Variants in TMEM59 observed in about 807,000 individuals in gnomAD.
TMEM59 encodes the protein dendritic cell factor 1.
TMEM59 carries 44 observed loss-of-function variants against 42.2 expected under a neutral mutation model. The observed-to-expected ratio is 1.04, with a 90% CI of 0.82 to 1.34. TMEM59 has a LOEUF of 1.34. TMEM59 is among the 40% of genes most tolerant of loss of function. The pLI is 0.00. For missense variants in TMEM59, 359 were observed against 382.8 expected, an observed-to-expected ratio of 0.94 and a Z score of 0.52; for synonymous variants, 148 against 145.8, an observed-to-expected ratio of 1.02 and a Z score of -0.11.
At chr1:54,045,529 C>A in intron 3 of TMEM59, 163 bp downstream of exon 3, 2 of 599,348 alleles carry the variant, frequency 3.3e-6, no homozygotes, top group South Asian at 2.4e-5. Context: ...TATACAAAAG[C>A]AATTATTCAA....
At chr1:54,036,949 T>C (rs1350144575) in intron 6 of TMEM59, 3 of 289,576 alleles carry the variant, frequency 1.0e-5, no homozygotes, top group East Asian at 1.2e-4. Context: ...AACATGGCTA[T>C]ATCACTTTTG....
Position 54,042,905 on chromosome 1 carries a change from C to T in TMEM59, c.543+468G>A, listed in dbSNP as rs143598569. 1.4e-3 allele frequency among the ~76,000 whole-genome samples: 212 copies of T among 152,172 alleles called. 2 individuals carry two copies. The highest frequency in any genetic ancestry group is 4.7e-3 in the African/African-American group (197 of 41,528). ...ATAACAGTTATTATCATGTGGTAAA[C>T]GATGAGATAGGAGACATTACTTCTC... On this transcript the variant is annotated intron_variant, in intron 4 of 7. Coordinates refer to ENST00000234831, the MANE Select transcript of TMEM59 (RefSeq NM_004872.5).
intron 7 of TMEM59, chr1:54,034,941 G>A (rs549183657): frequency 1.3e-5 from 2 of 152,258 alleles, no homozygotes; most frequent in East Asian, 3.9e-4. Context: ...AGATCTTGAA[G>A]CAGCAACCAG....
At chr1:54,045,416 C>T (rs1657295732) in intron 3 of TMEM59, 1 of 366,320 alleles carries the variant, frequency 2.7e-6, no homozygotes, top group Non-Finnish European at 4.9e-6. Flanking sequence ...TCCTCTGAGC[C>T]TTGGTTTTTT....
At chr1:54,047,021 G>C (rs1336112574) in intron 2 of TMEM59, among the ~76,000 whole-genome samples, 1 of 152,204 alleles carries the variant, frequency 6.6e-6, no homozygotes, top group Non-Finnish European at 1.5e-5. Flanking sequence ...CTGACAGAAT[G>C]CTTGGTTAAA....
rs768635256 is a variant in TMEM59 at position 54,041,821 on chromosome 1, A to G, written c.544-16T>C. Reference sequence around the variant, plus strand: ...CTGGCTTAGACTAAAATAATAATGAAAGCAATTAAGTCATTTGTACTTCTT... The same window carrying G: ...CTGGCTTAGACTAAAATAATAATGAGAGCAATTAAGTCATTTGTACTTCTT... On this transcript the variant is annotated splice_polypyrimidine_tract_variant and intron_variant, in intron 4 of 7. Transcript: ENST00000234831. The G allele has an allele frequency of 4.4e-6, 7 of 1,600,572 alleles. No individual in the cohort carries two copies. Among genetic ancestry groups the G allele is most frequent in the Non-Finnish European group, 5.1e-6 (6 of 1,169,826 alleles).
chr1:54,047,416 T>G, intron 1 of TMEM59, 44 bp from the exon 2 acceptor site: 1 of 1,529,416 alleles, frequency 6.5e-7, no homozygotes, highest in Non-Finnish European at 9.0e-7. Context: ...AAATAGTATT[T>G]TTTTTTCCTC....
In TMEM59 at chr1:54,027,343, A is replaced by C. The variant is rs1460069163; in HGVS notation, c.*4807T>G. The C allele has an allele frequency of 6.6e-6, 1 of 152,184 alleles. No homozygotes were observed. The highest frequency in any genetic ancestry group is 2.4e-5 in the African/African-American group (1 of 41,452). The allele number at this position is 152,184 out of a possible 1,614,324, so 9.4% of individuals were successfully genotyped here. On this transcript the variant is annotated 3_prime_UTR_variant, in exon 8 of 8. Coordinates refer to ENST00000234831, the MANE Select transcript of TMEM59 (RefSeq NM_004872.5). ...TGATCAGTTTCCTTTGCGATCCTTT[A>C]TATTTAGTTTTATGCTTTGAAAACA... is the stretch of plus-strand genomic sequence containing the variant.
intron 6 of TMEM59, among the ~76,000 whole-genome samples, chr1:54,037,992 C>A (rs747689014): frequency 2.0e-5 from 3 of 152,108 alleles, no homozygotes; most frequent in Non-Finnish European, 2.9e-5. Context: ...ATGACTAGAT[C>A]CTACAGATTT....
In TMEM59 at chr1:54,032,213, A is replaced by C; in HGVS notation, c.909T>G (p.Thr303=). Residue 303 remains threonine (T), a synonymous_variant, in exon 8 of 8, where the codon ACT becomes ACG. Coordinates refer to ENST00000234831, the MANE Select transcript of TMEM59 (RefSeq NM_004872.5). ...GAGGCCCTGCTTCTTCATGATCTTC[A>C]GTTTTAGATCTAACAACCACAAGAG... is the stretch of plus-strand genomic sequence containing the variant. ...ASSLVVVRSK[T]EDHEEAGPLP... 1 of 1,613,354 alleles carries C rather than the reference A, an allele frequency of 6.2e-7. No homozygotes were observed. Among genetic ancestry groups the C allele is most frequent in the Non-Finnish European group, 8.5e-7 (1 of 1,179,636 alleles).
intron 7 of TMEM59, among the ~76,000 whole-genome samples, chr1:54,036,153 G>A (rs12041928): frequency 6.6e-6 from 1 of 151,772 alleles, no homozygotes; most frequent in South Asian, 2.1e-4. Context: ...ACATGGTGGC[G>A]CATGCTTGTA....
rs772142147 is a variant in TMEM59 at position 54,043,496 on chromosome 1, T to A, written c.420A>T (p.Leu140=). 4 of 1,523,630 alleles carry A rather than the reference T, an allele frequency of 2.6e-6. No homozygotes were observed. The highest frequency in any genetic ancestry group is 3.5e-6 in the Non-Finnish European group (4 of 1,135,392). The allele number at this position is 1,523,630 out of a possible 1,614,324, so 94.4% of individuals were successfully genotyped here. A position where few individuals can be genotyped will look rare whatever the true frequency, so the allele number is the denominator to read the frequency against. Reference sequence around the variant, plus strand: ...ACCTCACCAGAGTTAGAGGAAAGAGTAGGTGCATTTTTGGCATCAGGGACA... The same window carrying A: ...ACCTCACCAGAGTTAGAGGAAAGAGAAGGTGCATTTTTGGCATCAGGGACA... ...QLMSLMPKMH[L]LFPLTLVRSF... The change falls in exon 4 of 8, where the codon CTA becomes CTT. Residue 140 remains leucine (L), a synonymous_variant. Coordinates refer to ENST00000234831, the MANE Select transcript of TMEM59 (RefSeq NM_004872.5).
rs139771945 is a variant in TMEM59 at position 54,043,643 on chromosome 1, T to A, written c.391-118A>T. The stretch of plus-strand genomic sequence containing the variant: ...GACAGGATACAAACAATTAAATACA[T>A]CTACCATAATCAATAGCATTAGAGT... On this transcript the variant is annotated intron_variant, in intron 3 of 7. Transcript: ENST00000234831. 8.7e-3 allele frequency: 5,017 copies of A among 577,138 alleles called. 39 individuals carry two copies. Among genetic ancestry groups the A allele is most frequent in the South Asian group, 0.038 (553 of 14,708 alleles). 35.8% of individuals were successfully genotyped at this position (577,138 alleles called of 1,614,324 possible). A position where few individuals can be genotyped will look rare whatever the true frequency, so the allele number is the denominator to read the frequency against.
At chr1:54,036,471 C>T in intron 7 of TMEM59, 139 bp downstream of exon 7, 1 of 548,116 alleles carries the variant, frequency 1.8e-6, no homozygotes, top group Non-Finnish European at 3.1e-6. Context: ...TTATGTGTGC[C>T]AACCTCTACC....
rs112866300 is a variant in TMEM59, at chr1:54,036,595, A to T, written c.816+15T>A. 4 of 1,574,928 alleles carry T rather than the reference A, an allele frequency of 2.5e-6. No individual in the cohort carries two copies. Among genetic ancestry groups the T allele is most frequent in the Non-Finnish European group, 3.5e-6 (4 of 1,158,814 alleles). On this transcript the variant is annotated intron_variant, in intron 7 of 7. Transcript: ENST00000234831. ...TCACAGGGCTCAGTCTTCAAATGGTAAGAATTAAATTTACCTCAGAGGGAA... is the reference window on the plus strand; with the variant it reads ...TCACAGGGCTCAGTCTTCAAATGGTTAGAATTAAATTTACCTCAGAGGGAA...
chr1:54,051,420 T>C (rs531984147), intron 1 of TMEM59, among the ~76,000 whole-genome samples: 1 of 152,220 alleles, frequency 6.6e-6, no homozygotes, highest in Non-Finnish European at 1.5e-5. Context: ...GCCAGATGAT[T>C]TGGAGTTCTT....
intron 3 of TMEM59, 171 bp from the exon 4 acceptor site, chr1:54,043,696 G>A (rs1405221829): frequency 3.0e-6 from 1 of 329,850 alleles, no homozygotes; most frequent in East Asian, 7.0e-5. Flanking sequence ...TGCACATTAT[G>A]GTAAAGCTTA....
Position 54,036,657 on chromosome 1 carries a change from A to C in TMEM59, c.769T>G (p.Cys257Gly). ...VLSVMVLLWICCATVATAVEQ... is the reference protein window; with the variant it reads ...VLSVMVLLWIGCATVATAVEQ... ...ACAGCTGTAGCAACAGTTGCACAAC[A>C]AATCCAAAGCAATACCATCACCGAG... Residue 257 changes from cysteine to glycine, a missense_variant, in exon 7 of 8, where the codon TGT becomes GGT. Physicochemically the swap from Cys to Gly is radical, Grantham distance 159 (BLOSUM62 -3). Coordinates refer to ENST00000234831, the MANE Select transcript of TMEM59 (RefSeq NM_004872.5). The C allele has an allele frequency of 2.5e-6, 4 of 1,612,530 alleles. No homozygotes were observed. In the Middle Eastern group the frequency reaches 6.6e-4, roughly 266 times the overall value.
intron 4 of TMEM59, among the ~76,000 whole-genome samples, chr1:54,042,535 G>C (rs547726883): frequency 6.6e-6 from 1 of 152,284 alleles, no homozygotes; most frequent in African/African-American, 2.4e-5. Context: ...CCAAGGTTCA[G>C]GGGAGTGCTA....
Sources: gnomAD v4.1 joint callset for allele counts (sites outside exome capture counted in the v4.1 genomes callset) on GRCh38, gnomAD v4.1.1 for gene constraint, MANE v1.5 for transcripts, NCBI Gene and HGNC (gene_info 2026-07-23, HGNC 2026-07-21) for gene names.